The following MACROD2 variants were observed in gnomAD, a reference collection of about 807,000 sequenced individuals.
MACROD2 encodes mono-ADP ribosylhydrolase 2.
A neutral mutation model predicts 70.4 loss-of-function variants in MACROD2; 36 were observed. The observed-to-expected ratio is 0.51, with a 90% CI of 0.39 to 0.68. MACROD2 has a LOEUF of 0.68. Among genes scored for constraint, MACROD2 ranks in the 30% least tolerant of loss-of-function variants. The pLI is 0.00. For missense variants in MACROD2, 496 were observed against 538.4 expected (o/e 0.92, Z 0.78); for synonymous variants, 172 against 178.8 (o/e 0.96, Z 0.30).
At chr20:14,830,831 A>C (rs401599) in intron 5 of MACROD2, among the ~76,000 whole-genome samples, 66,691 of 151,994 alleles carry the variant, frequency 0.44, 15,741 homozygotes, top group African/African-American at 0.59. Context: ...ACAAATATTT[A>C]TTTTGTTAAA....
chr20:15,385,393 A>C (rs1028534678), intron 6 of MACROD2, among the ~76,000 whole-genome samples: 1 of 152,214 alleles, frequency 6.6e-6, no homozygotes, highest in Non-Finnish European at 1.5e-5. Context: ...AATTTATTTC[A>C]AGATGGTGTC....
At chr20:14,727,625 A>G (rs573754678) in intron 5 of MACROD2, among the ~76,000 whole-genome samples, 2 of 152,266 alleles carry the variant, frequency 1.3e-5, no homozygotes, top group African/African-American at 4.8e-5. Flanking sequence ...CTTCAGTCTC[A>G]TTTGCTGTTA....
intron 3 of MACROD2, among the ~76,000 whole-genome samples, chr20:14,416,447 TAC>T (rs1318125106): frequency 2.6e-5 from 4 of 152,216 alleles, no homozygotes; most frequent in Non-Finnish European, 4.4e-5. Context: ...TGTTCATGAA[TAC>T]ACAGTGTCTT....
intron 3 of MACROD2, among the ~76,000 whole-genome samples, chr20:14,275,994 T>C (rs2082251184): frequency 6.6e-6 from 1 of 152,012 alleles, no homozygotes; most frequent in Non-Finnish European, 1.5e-5. Context: ...CTGGAGAGGA[T>C]GTGGAGAAAT....
chr20:15,320,122 T>G (rs1259974673), intron 6 of MACROD2, among the ~76,000 whole-genome samples: 1 of 152,240 alleles, frequency 6.6e-6, no homozygotes, highest in Non-Finnish European at 1.5e-5. Context: ...GAGAATCGCT[T>G]GAACCCAAGA....
At chr20:15,872,714 T>C (rs1452497796) in intron 9 of MACROD2, among the ~76,000 whole-genome samples, 1 of 152,188 alleles carries the variant, frequency 6.6e-6, no homozygotes, top group African/African-American at 2.4e-5. Context: ...TTGAAAAATA[T>C]ATAAAACTTC....
At chr20:15,131,250 G>A (rs1368136324) in intron 5 of MACROD2, among the ~76,000 whole-genome samples, 1 of 151,994 alleles carries the variant, frequency 6.6e-6, no homozygotes, top group East Asian at 1.9e-4. Context: ...AACTAAATCT[G>A]TAGAAACAAG....
intron 3 of MACROD2, among the ~76,000 whole-genome samples, chr20:14,261,262 G>GTT (rs11481039): frequency 2.0e-5 from 3 of 151,852 alleles, no homozygotes; most frequent in Non-Finnish European, 2.9e-5. Flanking sequence ...AGTAAGTGAA[G>GTT]TTTTTTTATT....
chr20:14,881,362 C>T (rs1283688372), intron 5 of MACROD2, among the ~76,000 whole-genome samples: 1 of 151,306 alleles, frequency 6.6e-6, no homozygotes, highest in African/African-American at 2.4e-5. Context: ...AAGCCTTGGT[C>T]TCTAGGTCTA....
rs967093383 is a variant in MACROD2, at chr20:14,875,050, A to C, written c.418+190091A>C. Among the ~76,000 whole-genome samples, 11 of 151,986 alleles carry C rather than the reference A, an allele frequency of 7.2e-5. No individual in the cohort carries two copies. The South Asian group carries it at 8.4e-4, about 12-fold the overall frequency. The stretch of plus-strand genomic sequence containing the variant: ...ATGACACTGAATTTTTAGACAAAAG[A>C]GATATATTGACTTTGTGTGTTGATG... On this transcript the variant is annotated intron_variant, in intron 5 of 17. Coordinates refer to ENST00000684519, the MANE Select transcript of MACROD2 (RefSeq NM_001351661.2).
chr20:15,134,836 A>G (rs1360145212), intron 5 of MACROD2, among the ~76,000 whole-genome samples: 1 of 152,152 alleles, frequency 6.6e-6, no homozygotes, highest in East Asian at 1.9e-4. Flanking sequence ...CTAATAAAAA[A>G]AGAGAGAAGA....
At chr20:14,962,545 C>T (rs998529787) in intron 5 of MACROD2, among the ~76,000 whole-genome samples, 1 of 147,626 alleles carries the variant, frequency 6.8e-6, no homozygotes, top group Non-Finnish European at 1.5e-5. Flanking sequence ...CTCTCTCTTT[C>T]TCTCTGTCTC....
intron 6 of MACROD2, among the ~76,000 whole-genome samples, chr20:15,387,374 C>T (rs1483218874): frequency 1.6e-5 from 1 of 61,060 alleles, no homozygotes; most frequent in African/African-American, 4.9e-5. Context: ...CCCTTTCTTC[C>T]CTCTCTTCCT....
intron 7 of MACROD2, among the ~76,000 whole-genome samples, chr20:15,473,275 G>A (rs1207747313): frequency 6.6e-6 from 1 of 152,210 alleles, no homozygotes; most frequent in Non-Finnish European, 1.5e-5. Flanking sequence ...GATGTTGAGT[G>A]AAACACTTTC....
At chr20:14,492,717 C>CT (rs1401748818) in intron 3 of MACROD2, among the ~76,000 whole-genome samples, 2 of 152,112 alleles carry the variant, frequency 1.3e-5, no homozygotes, top group East Asian at 3.9e-4. Context: ...CTTAAGAACT[C>CT]TATGGAATAA....
intron 15 of MACROD2, among the ~76,000 whole-genome samples, chr20:16,035,647 G>T (rs2067224659): frequency 6.6e-6 from 1 of 152,004 alleles, no homozygotes; most frequent in Non-Finnish European, 1.5e-5. Context: ...ATGTGTGTTA[G>T]TTAGCTATCA....
chr20:14,611,105 GGTT>G (rs1429204504), intron 4 of MACROD2, among the ~76,000 whole-genome samples: 1 of 152,054 alleles, frequency 6.6e-6, no homozygotes, highest in Non-Finnish European at 1.5e-5. Context: ...ATGGTATGGT[GGTT>G]AAGAATGTGG....
chr20:14,051,266 T>C (rs992661550), intron 2 of MACROD2, among the ~76,000 whole-genome samples: 4 of 152,132 alleles, frequency 2.6e-5, no homozygotes, highest in Non-Finnish European at 5.9e-5. Flanking sequence ...ATTTAAAAAA[T>C]GAAAGAACTA....
At chr20:14,032,296 G>C (rs2053255094) in intron 2 of MACROD2, among the ~76,000 whole-genome samples, 1 of 152,054 alleles carries the variant, frequency 6.6e-6, no homozygotes, top group Non-Finnish European at 1.5e-5. Flanking sequence ...TTGTGTGTAT[G>C]TGTGAGGATT....
Sources: allele counts gnomAD v4.1 joint callset (sites outside exome capture counted in the v4.1 genomes callset), GRCh38; gene constraint gnomAD v4.1.1; transcripts MANE v1.5; gene names NCBI Gene and HGNC (gene_info 2026-07-23, HGNC 2026-07-21).